FOSL2: variants seen among roughly 807,000 people sequenced by gnomAD.
The protein encoded by FOSL2 is fos-related antigen 2.
FOSL2 carries 3 observed loss-of-function variants against 27.7 expected under a neutral mutation model. The ratio of observed to expected loss-of-function variants is 0.11; its 90% CI spans 0.05 to 0.28. The LOEUF (loss-of-function observed/expected upper bound fraction) is 0.28, where lower values mean the gene tolerates loss of function less well. Among genes scored for constraint, FOSL2 ranks in the 10% least tolerant of loss-of-function variants. FOSL2 has a pLI of 1.00. For synonymous variants in FOSL2, 179 were observed against 190.1 expected (o/e 0.94, Z 0.48); for missense variants, 333 against 445.1 (o/e 0.75, Z 2.27).
chr2:28,397,746 C>T (rs1427713837), intron 1 of FOSL2, among the ~76,000 whole-genome samples: 2 of 152,192 alleles, frequency 1.3e-5, no homozygotes, highest in African/African-American at 4.8e-5. Context: ...CTTGGGGAGA[C>T]TAAATGCTTA....
Position 28,416,786 on chromosome 2 carries a change from G to GTA in FOSL2, c.*4347_*4348dup, listed in dbSNP as rs745735303. On this transcript the variant is annotated 3_prime_UTR_variant, in exon 4 of 4. Transcript: ENST00000264716. ...GTGTCTTTTCTGCCGTGGGAGATGTGTATATATATAGTATTTTGGTGTATA... is the reference window on the plus strand; with the variant it reads ...GTGTCTTTTCTGCCGTGGGAGATGTGTATATATATATAGTATTTTGGTGTATA... 3 of 151,856 alleles carry GTA rather than the reference G, an allele frequency of 2.0e-5. No individual in the cohort carries two copies. The highest frequency in any genetic ancestry group is 2.9e-5 in the Non-Finnish European group (2 of 67,970). 9.4% of individuals were successfully genotyped at this position (151,856 alleles called of 1,614,324 possible).
rs887817836 is a variant in FOSL2 at position 28,410,443 on chromosome 2, A to G, written c.463-1487A>G. On this transcript the variant is annotated intron_variant, in intron 3 of 3. Coordinates refer to ENST00000264716, the MANE Select transcript of FOSL2 (RefSeq NM_005253.4). Reference sequence around the variant, plus strand: ...ACCTCCCCCGCCCTCTGACCCAGCCACCCAGGCCCCTGAGCCACATCCTCC... The same window carrying G: ...ACCTCCCCCGCCCTCTGACCCAGCCGCCCAGGCCCCTGAGCCACATCCTCC... 9 of 168,916 alleles carry G rather than the reference A, an allele frequency of 5.3e-5. No homozygotes were observed. In the African/African-American group the frequency reaches 5.4e-4, roughly 10 times the overall value. The allele number at this position is 168,916 out of a possible 1,614,324, so 10.5% of individuals were successfully genotyped here.
chr2:28,393,011 C>T lies in FOSL2; in HGVS notation c.-710C>T. ...AGGCGGGCCCGTCCGGGAGCGGGCT[C>T]CGGGGAAGGGGTGCGGGTCTGGGCG... On this transcript the variant is annotated 5_prime_UTR_variant, in exon 1 of 4. Transcript: ENST00000264716. This position sits in a 1 kb window ranked among gnomAD's most constrained non-coding sequence, Gnocchi z 4.6. The T allele has an allele frequency of 1.4e-5, 9 of 623,420 alleles. 1 individual carries two copies. The highest frequency in any genetic ancestry group is 1.4e-4 in the South Asian group (8 of 57,924). The allele number at this position is 623,420 out of a possible 1,614,324, so 38.6% of individuals were successfully genotyped here.
At position 28,414,469 on chromosome 2, in the gene FOSL2, T is replaced by G. The variant is rs1237100391; in HGVS notation, c.*2021T>G. 6.6e-6 allele frequency: 1 copy of G among 152,192 alleles called. No homozygotes were observed. Among genetic ancestry groups the G allele is most frequent in the African/African-American group, 2.4e-5 (1 of 41,466 alleles). 9.4% of individuals were successfully genotyped at this position (152,192 alleles called of 1,614,324 possible). ...CTGGGAGGGACCCTTCTAAGAAGAT[T>G]GGGCAGTTGGGTTTCTGGCTTGAGA... is the stretch of plus-strand genomic sequence containing the variant. On this transcript the variant is annotated 3_prime_UTR_variant, in exon 4 of 4. Transcript: ENST00000264716.
chr2:28,399,180 AATCT>A (rs972146705), intron 1 of FOSL2, among the ~76,000 whole-genome samples: 3 of 152,110 alleles, frequency 2.0e-5, no homozygotes, highest in Non-Finnish European at 4.4e-5. Flanking sequence ...CCCAGACAAA[AATCT>A]ATCTGATGGA....
Position 28,393,371 on chromosome 2 carries a change from C to T in FOSL2, c.-350C>T, listed in dbSNP as rs886898975. 26 of 286,038 alleles carry T rather than the reference C, an allele frequency of 9.1e-5. No individual in the cohort carries two copies. The highest frequency in any genetic ancestry group is 4.9e-4 in the African/African-American group (22 of 44,480). The allele number at this position is 286,038 out of a possible 1,614,324, so 17.7% of individuals were successfully genotyped here. On this transcript the variant is annotated 5_prime_UTR_variant, in exon 1 of 4. Coordinates refer to ENST00000264716, the MANE Select transcript of FOSL2 (RefSeq NM_005253.4). The surrounding 1 kb of genome is among the most constrained non-coding windows in gnomAD (Gnocchi z 4.6). ...TTTTAATTTCCAATTTTTGATTGGG[C>T]CGTGGGTCCCCGCTGAGCTCCGGCT...
chr2:28,393,011 C>G lies in FOSL2; in HGVS notation c.-710C>G, dbSNP rs1207654664. 1.1e-5 allele frequency: 7 copies of G among 623,310 alleles called. No individual in the cohort carries two copies. The highest frequency in any genetic ancestry group is 1.8e-5 in the African/African-American group (1 of 54,162). 38.6% of individuals were successfully genotyped at this position (623,310 alleles called of 1,614,324 possible). On this transcript the variant is annotated 5_prime_UTR_variant, in exon 1 of 4. Transcript: ENST00000264716. This position sits in a 1 kb window ranked among gnomAD's most constrained non-coding sequence, Gnocchi z 4.6. The stretch of plus-strand genomic sequence containing the variant: ...AGGCGGGCCCGTCCGGGAGCGGGCT[C>G]CGGGGAAGGGGTGCGGGTCTGGGCG...
chr2:28,396,249 C>G (rs965552657), intron 1 of FOSL2, among the ~76,000 whole-genome samples: 1 of 151,028 alleles, frequency 6.6e-6, no homozygotes, highest in Non-Finnish European at 1.5e-5. Flanking sequence ...CTTCATGAAG[C>G]TGGATCTTAA....
chr2:28,396,835 CACAA>C (rs1248977787), intron 1 of FOSL2: 3 of 150,120 alleles, frequency 2.0e-5, no homozygotes, highest in East Asian at 1.9e-4. Context: ...CACACACACA[CACAA>C]AATTCCCCAG....
rs1663744797 is a variant in FOSL2, at chr2:28,393,978, A to AC, written c.102+161dup. Reference sequence around the variant, plus strand: ...GATTTTCGTCCTCCCCTTCCCCCCCACCCCCTTTTAAACTAGGGGATTGGA... The same window carrying AC: ...GATTTTCGTCCTCCCCTTCCCCCCCACCCCCCTTTTAAACTAGGGGATTGGA... On this transcript the variant is annotated intron_variant, in intron 1 of 3. Coordinates refer to ENST00000264716, the MANE Select transcript of FOSL2 (RefSeq NM_005253.4). The surrounding 1 kb of genome is among the most constrained non-coding windows in gnomAD (Gnocchi z 4.6). 1.3e-5 allele frequency among the ~76,000 whole-genome samples: 1 copy of AC among 76,450 alleles called. No homozygotes were observed. Among genetic ancestry groups the AC allele is most frequent in the Admixed American group, 1.5e-4 (1 of 6,762 alleles). The allele number at this position is 76,450 out of a possible 152,430, so 50.2% of individuals were successfully genotyped here. A position where few individuals can be genotyped will look rare whatever the true frequency, so the allele number is the denominator to read the frequency against.
chr2:28,412,593 G>A lies in FOSL2; in HGVS notation c.*145G>A, dbSNP rs1182619366. The A allele has an allele frequency of 1.1e-5, 10 of 883,892 alleles. No individual in the cohort carries two copies. Among genetic ancestry groups the A allele is most frequent in the Non-Finnish European group, 1.5e-5 (9 of 590,372 alleles). 54.8% of individuals were successfully genotyped at this position (883,892 alleles called of 1,614,324 possible). A position where few individuals can be genotyped will look rare whatever the true frequency, so the allele number is the denominator to read the frequency against. On this transcript the variant is annotated 3_prime_UTR_variant, in exon 4 of 4. Coordinates refer to ENST00000264716, the MANE Select transcript of FOSL2 (RefSeq NM_005253.4). This position sits in a 1 kb window ranked among gnomAD's most constrained non-coding sequence, Gnocchi z 7.1. The stretch of plus-strand genomic sequence containing the variant: ...CTTCCTGGCTCTGGGGGACCCAGGT[G>A]GGACTTAGCAGTGAGTATTGGAAGA...
intron 1 of FOSL2, among the ~76,000 whole-genome samples, chr2:28,400,561 GC>G (rs1663948739): frequency 6.6e-6 from 1 of 152,162 alleles, no homozygotes; most frequent in Non-Finnish European, 1.5e-5. Context: ...CTTTATCAGA[GC>G]CCCGGGCCCC....
Position 28,393,668 on chromosome 2 carries a change from G to T in FOSL2, c.-53G>T, listed in dbSNP as rs1663731346. The stretch of plus-strand genomic sequence containing the variant: ...GCAGCAGCCGGTGCGCGGCCGCGGC[G>T]AGGGCGGGGGAAGAAAAACACCCTG... On this transcript the variant is annotated 5_prime_UTR_variant, in exon 1 of 4. Transcript: ENST00000264716. This position sits in a 1 kb window ranked among gnomAD's most constrained non-coding sequence, Gnocchi z 4.6. 3 of 1,371,458 alleles carry T rather than the reference G, an allele frequency of 2.2e-6. No individual in the cohort carries two copies. The highest frequency in any genetic ancestry group is 4.0e-5 in the Admixed American group (2 of 49,638). 85.0% of individuals were successfully genotyped at this position (1,371,458 alleles called of 1,614,324 possible). A position where few individuals can be genotyped will look rare whatever the true frequency, so the allele number is the denominator to read the frequency against.
At chr2:28,410,496 G>A (rs923640335) in intron 3 of FOSL2, 129 of 982,284 alleles carry the variant, frequency 1.3e-4, no homozygotes, top group Non-Finnish European at 1.5e-4. Flanking sequence ...AGCTCATGAC[G>A]TTCGTCAGAC....
At chr2:28,395,168 A>T (rs979379810) in intron 1 of FOSL2, among the ~76,000 whole-genome samples, 2 of 152,218 alleles carry the variant, frequency 1.3e-5, no homozygotes, top group African/African-American at 4.8e-5. Context: ...CACCAAGGTG[A>T]TGAGTTTAAA....
intron 1 of FOSL2, among the ~76,000 whole-genome samples, chr2:28,394,137 G>GCCCCCCCCCCCC: frequency 1.2e-5 from 1 of 80,862 alleles, no homozygotes; most frequent in Admixed American, 1.4e-4. Context: ...CCCAGTGTCT[G>GCCCCCCCCCCCC]CCCCCCCCCC....
intron 3 of FOSL2, chr2:28,410,530 T>A: frequency 1.0e-6 from 1 of 985,342 alleles, no homozygotes; most frequent in Non-Finnish European, 1.2e-6. Flanking sequence ...GGAAACTGTT[T>A]TTCACTCCGG....
rs1663768852 is a variant in FOSL2, at chr2:28,394,569, A to AGGGAAGAGGGGGTCGGGTGG, written c.102+756_102+775dup. The stretch of plus-strand genomic sequence containing the variant: ...GTACCTGGAGCAAGGAGACCGGCAG[A>AGGGAAGAGGGGGTCGGGTGG]GGGAAGAGGGGGTCGGGTGGGGGAA... On this transcript the variant is annotated intron_variant, in intron 1 of 3. Transcript: ENST00000264716. 2.0e-5 allele frequency: 3 copies of AGGGAAGAGGGGGTCGGGTGG among 152,390 alleles called. No individual in the cohort carries two copies. In the South Asian group the frequency reaches 6.2e-4, roughly 31 times the overall value. 9.4% of individuals were successfully genotyped at this position (152,390 alleles called of 1,614,324 possible).
Position 28,411,926 on chromosome 2 carries a change from G to T in FOSL2, c.463-4G>T. 6.2e-7 allele frequency: 1 copy of T among 1,614,128 alleles called. No homozygotes were observed. The highest frequency in any genetic ancestry group is 8.5e-7 in the Non-Finnish European group (1 of 1,179,996). ...TCCCTCACATCCCTCTCTTTCCGTGGCAGGAGACAGAGGAGCTGGAGGAGG... is the reference window on the plus strand; with the variant it reads ...TCCCTCACATCCCTCTCTTTCCGTGTCAGGAGACAGAGGAGCTGGAGGAGG... On this transcript the variant is annotated splice_region_variant and splice_polypyrimidine_tract_variant and intron_variant, in intron 3 of 3. Transcript: ENST00000264716.
Sources: allele counts gnomAD v4.1 joint callset (sites outside exome capture counted in the v4.1 genomes callset), GRCh38; gene constraint gnomAD v4.1.1; non-coding constraint Gnocchi (gnomAD v3.1); transcripts MANE v1.5; gene names NCBI Gene and HGNC (gene_info 2026-07-23, HGNC 2026-07-21).